The following DOCK1 variants were observed in gnomAD, a reference collection of about 807,000 sequenced individuals.
The protein encoded by DOCK1 is dedicator of cytokinesis 1, also known as dedicator of cytokinesis protein 1.
Under a neutral mutation model 262.7 loss-of-function variants are expected in DOCK1, and 138 were observed. The observed-to-expected ratio is 0.53, with a 90% CI of 0.46 to 0.61. The LOEUF (loss-of-function observed/expected upper bound fraction) is 0.61, where lower values mean the gene tolerates loss of function less well. Ranked by LOEUF, DOCK1 falls within the 20% of genes least tolerant of loss-of-function variation. The pLI is 0.00. For synonymous variants in DOCK1, 866 were observed against 867.4 expected (o/e 1.00, Z 0.03); for missense variants, 1,908 against 2,370.7 (o/e 0.80, Z 4.05).
chr10:126,966,595 G>C (rs886727862), intron 1 of DOCK1, among the ~76,000 whole-genome samples: 1 of 152,060 alleles, frequency 6.6e-6, no homozygotes, highest in Non-Finnish European at 1.5e-5. Flanking sequence ...ACTGGGGTGA[G>C]ATAATACCTC....
chr10:126,949,626 C>G (rs2036008526), intron 1 of DOCK1, among the ~76,000 whole-genome samples: 1 of 152,094 alleles, frequency 6.6e-6, no homozygotes, highest in Non-Finnish European at 1.5e-5. Flanking sequence ...CCTTTCTGTG[C>G]TATAACTATA....
At chr10:127,070,342 C>T (rs2046152384) in intron 23 of DOCK1, among the ~76,000 whole-genome samples, 1 of 146,790 alleles carries the variant, frequency 6.8e-6, no homozygotes, top group East Asian at 2.0e-4. Context: ...CAACCTCCAC[C>T]TCCCGGGTTC....
At chr10:127,299,425 C>T (rs911665857) in intron 29 of DOCK1, among the ~76,000 whole-genome samples, 2 of 152,198 alleles carry the variant, frequency 1.3e-5, no homozygotes, top group African/African-American at 4.8e-5. Flanking sequence ...GCTCTTAATC[C>T]AATGGCTGGT....
chr10:127,361,980 T>A (rs772626441), intron 32 of DOCK1, 84 bp from the exon 33 acceptor site: 131 of 1,373,828 alleles, frequency 9.5e-5, no homozygotes, highest in Admixed American at 5.5e-5. Flanking sequence ...CACAGTGATC[T>A]GTGTTGTGTT....
Position 127,176,458 on chromosome 10 carries a change from C to T in DOCK1, c.2847+48694C>T, listed in dbSNP as rs1049666434. On this transcript the variant is annotated intron_variant, in intron 27 of 51. Coordinates refer to ENST00000623213, the MANE Select transcript of DOCK1 (RefSeq NM_001290223.2). This position sits in a 1 kb window ranked among gnomAD's most constrained non-coding sequence, Gnocchi z 4.4. The stretch of plus-strand genomic sequence containing the variant: ...GGGACAGAAATACACACTCAAGCAC[C>T]GGCCGCACAAACTTTTAGCCACCAC... 119 of 1,397,854 alleles carry T rather than the reference C, an allele frequency of 8.5e-5. 1 individual carries two copies. Among genetic ancestry groups the T allele is most frequent in the Middle Eastern group, 3.7e-4 (2 of 5,442 alleles). The allele number at this position is 1,397,854 out of a possible 1,614,324, so 86.6% of individuals were successfully genotyped here. A position where few individuals can be genotyped will look rare whatever the true frequency, so the allele number is the denominator to read the frequency against.
At chr10:127,153,151 G>GC (rs1215712079) in intron 27 of DOCK1, among the ~76,000 whole-genome samples, 1 of 152,090 alleles carries the variant, frequency 6.6e-6, no homozygotes, top group Admixed American at 6.5e-5. Context: ...ATTTCTCACC[G>GC]CTTTTATATT....
At chr10:127,308,390 G>A (rs1309624353) in intron 29 of DOCK1, among the ~76,000 whole-genome samples, 3 of 152,196 alleles carry the variant, frequency 2.0e-5, no homozygotes, top group Non-Finnish European at 2.9e-5. Flanking sequence ...ACACAGCCTT[G>A]ACCAAGCTTC....
At chr10:127,375,380 T>C (rs1463380397) in intron 35 of DOCK1, among the ~76,000 whole-genome samples, 2 of 152,258 alleles carry the variant, frequency 1.3e-5, no homozygotes, top group Non-Finnish European at 2.9e-5. Context: ...TGCTTTGCTC[T>C]ACTTACCTCC....
intron 27 of DOCK1, among the ~76,000 whole-genome samples, chr10:127,131,577 A>G (rs2050327806): frequency 6.6e-6 from 1 of 152,218 alleles, no homozygotes; most frequent in African/African-American, 2.4e-5. Flanking sequence ...TCTGGAGTCA[A>G]CAGAGCAGTG....
intron 27 of DOCK1, among the ~76,000 whole-genome samples, chr10:127,130,286 A>G (rs1418668921): frequency 6.6e-6 from 1 of 151,948 alleles, no homozygotes; most frequent in South Asian, 2.1e-4. Flanking sequence ...GGGTTTCACC[A>G]TGTTGGCTAG....
chr10:127,125,371 C>A (rs1188785998), intron 25 of DOCK1, 103 bp from the exon 26 acceptor site: 3 of 1,519,476 alleles, frequency 2.0e-6, no homozygotes, highest in Non-Finnish European at 2.7e-6. Flanking sequence ...ACGTGTTGCA[C>A]AACGTGAATG....
At chr10:127,173,944 G>A (rs917661318) in intron 27 of DOCK1, among the ~76,000 whole-genome samples, 4 of 152,172 alleles carry the variant, frequency 2.6e-5, no homozygotes, top group Admixed American at 1.3e-4. Context: ...CAGGCCTCCT[G>A]CACCAAGCTG....
intron 1 of DOCK1, among the ~76,000 whole-genome samples, chr10:126,958,467 G>C (rs2134497138): frequency 6.6e-6 from 1 of 152,294 alleles, no homozygotes; most frequent in East Asian, 1.9e-4. Flanking sequence ...CAGGGACTCT[G>C]TTTTGGCATT....
chr10:127,392,741 C>T (rs1473380447), intron 38 of DOCK1, among the ~76,000 whole-genome samples: 1 of 152,180 alleles, frequency 6.6e-6, no homozygotes, highest in Non-Finnish European at 1.5e-5. Context: ...TGCCTCCCAC[C>T]TCCCCACCCC....
intron 31 of DOCK1, among the ~76,000 whole-genome samples, chr10:127,348,794 C>T (rs149202172): frequency 3.0e-4 from 46 of 152,336 alleles, no homozygotes; most frequent in African/African-American, 1.1e-3. Flanking sequence ...ACTCTAGATA[C>T]TACCTTTAAG....
At chr10:127,009,852 G>A (rs1299603813) in intron 11 of DOCK1, among the ~76,000 whole-genome samples, 1 of 151,846 alleles carries the variant, frequency 6.6e-6, no homozygotes, top group East Asian at 1.9e-4. Context: ...CCTTGGTGAT[G>A]GACCACCGCG....
chr10:127,402,231 T>C (rs1004845358), intron 38 of DOCK1, among the ~76,000 whole-genome samples: 1 of 152,060 alleles, frequency 6.6e-6, no homozygotes, highest in Non-Finnish European at 1.5e-5. Context: ...CCAAAAGTTT[T>C]GAGGCAGCAG....
intron 29 of DOCK1, among the ~76,000 whole-genome samples, chr10:127,319,458 C>T (rs921964286): frequency 3.9e-5 from 6 of 152,154 alleles, no homozygotes; most frequent in African/African-American, 1.2e-4. Context: ...GAGCACTTCC[C>T]GCATGTGTTT....
chr10:127,262,989 C>T (rs573746685), intron 29 of DOCK1, among the ~76,000 whole-genome samples: 16 of 152,298 alleles, frequency 1.1e-4, no homozygotes, highest in African/African-American at 3.6e-4. Flanking sequence ...ACCCCAGAGC[C>T]GTGCCTGAGC....
Sources: allele counts gnomAD v4.1 joint callset (sites outside exome capture counted in the v4.1 genomes callset), GRCh38; gene constraint gnomAD v4.1.1; non-coding constraint Gnocchi (gnomAD v3.1); transcripts MANE v1.5; gene names NCBI Gene and HGNC (gene_info 2026-07-23, HGNC 2026-07-21).